The following PREX2 variants were observed in gnomAD, a reference collection of about 807,000 sequenced individuals.
The protein encoded by PREX2 is phosphatidylinositol 3,4,5-trisphosphate-dependent Rac exchanger 2 protein.
In PREX2, 107 loss-of-function variants were observed where a neutral mutation model predicts 203.2. The observed-to-expected ratio is 0.53, with a 90% confidence interval of 0.45 to 0.62. The LOEUF is 0.62. Ranked by LOEUF, PREX2 falls within the 20% of genes least tolerant of loss-of-function variation. PREX2 has a pLI of 0.00. For missense variants in PREX2, 1,777 were observed against 1,955.9 expected (o/e 0.91, Z 1.72); for synonymous variants, 672 against 663.6 (o/e 1.01, Z -0.19).
At chr8:68,128,588 G>T (rs944464597) in intron 31 of PREX2, among the ~76,000 whole-genome samples, 1 of 152,112 alleles carries the variant, frequency 6.6e-6, no homozygotes, top group Non-Finnish European at 1.5e-5. Flanking sequence ...GTTAGCTGAG[G>T]TAACAGGGCT....
At chr8:67,987,376 T>C (rs904671238) in intron 1 of PREX2, among the ~76,000 whole-genome samples, 1 of 152,160 alleles carries the variant, frequency 6.6e-6, no homozygotes, top group African/African-American at 2.4e-5. Context: ...TTGTACTGTC[T>C]GGTCACCTTT....
intron 9 of PREX2, among the ~76,000 whole-genome samples, chr8:68,054,085 T>C (rs1438897215): frequency 6.6e-6 from 1 of 152,216 alleles, no homozygotes; most frequent in Non-Finnish European, 1.5e-5. Context: ...AAGAACTCTT[T>C]CTTCCATCTT....
At chr8:68,176,354 G>A (rs1035264147) in intron 35 of PREX2, among the ~76,000 whole-genome samples, 2 of 152,158 alleles carry the variant, frequency 1.3e-5, no homozygotes, top group African/African-American at 4.8e-5. Flanking sequence ...TGGGGAGAAA[G>A]TTTTCAGTTT....
At chr8:68,114,346 C>A in intron 25 of PREX2, 2 of 500,578 alleles carry the variant, frequency 4.0e-6, no homozygotes, top group Non-Finnish European at 8.0e-6. Flanking sequence ...CATTACATTG[C>A]TATGGAAAAA....
intron 21 of PREX2, 128 bp from the exon 22 acceptor site, chr8:68,096,889 A>T (rs1325383260): frequency 8.2e-6 from 6 of 733,394 alleles, no homozygotes; most frequent in Non-Finnish European, 1.1e-5. Context: ...TAGATGCTTC[A>T]TTTAACACAT....
At chr8:68,127,697 T>C (rs952847105) in intron 31 of PREX2, among the ~76,000 whole-genome samples, 1 of 151,906 alleles carries the variant, frequency 6.6e-6, no homozygotes, top group Non-Finnish European at 1.5e-5. Flanking sequence ...AACAAAATAT[T>C]ATTAAACAGG....
intron 1 of PREX2, among the ~76,000 whole-genome samples, chr8:67,982,303 T>TC: frequency 6.6e-6 from 1 of 152,184 alleles, no homozygotes; most frequent in African/African-American, 2.4e-5. Flanking sequence ...GTGCCTATAG[T>TC]CCCAGCTACT....
rs1813224611 is a variant in PREX2, at chr8:68,234,268, C to G, written c.*2890C>G. The G allele has an allele frequency of 6.6e-6, 1 of 152,056 alleles. No homozygotes were observed. Among genetic ancestry groups the G allele is most frequent in the South Asian group, 2.1e-4 (1 of 4,830 alleles). The allele number at this position is 152,056 out of a possible 1,614,324, so 9.4% of individuals were successfully genotyped here. A position where few individuals can be genotyped will look rare whatever the true frequency, so the allele number is the denominator to read the frequency against. On this transcript the variant is annotated 3_prime_UTR_variant, in exon 40 of 40. Coordinates refer to ENST00000288368, the MANE Select transcript of PREX2 (RefSeq NM_024870.4). ...CCTTGAGGTTTTAGGATGTGTTTAC[C>G]TTAATGCTACATGCTCCTCTATAAC...
chr8:68,130,536 T>G (rs915520938), intron 31 of PREX2, among the ~76,000 whole-genome samples: 1 of 152,178 alleles, frequency 6.6e-6, no homozygotes, highest in Non-Finnish European at 1.5e-5. Context: ...AGAATCACAA[T>G]GATAATGCTA....
intron 34 of PREX2, among the ~76,000 whole-genome samples, chr8:68,153,807 T>C (rs7828065): frequency 0.45 from 67,687 of 152,022 alleles, 15,282 homozygotes; most frequent in African/African-American, 0.52. Context: ...TTACTAAGAC[T>C]CTTGGCAAAA....
At chr8:68,119,662 C>T (rs1810728716) in intron 28 of PREX2, 148 bp downstream of exon 28, 1 of 631,536 alleles carries the variant, frequency 1.6e-6, no homozygotes, top group Non-Finnish European at 2.8e-6. Flanking sequence ...GACATTTAAA[C>T]TAGGAATCAA....
chr8:68,005,214 C>G (rs566623181), intron 1 of PREX2, among the ~76,000 whole-genome samples: 36 of 152,294 alleles, frequency 2.4e-4, no homozygotes, highest in African/African-American at 8.4e-4. Flanking sequence ...TGATTTCTCT[C>G]TTCCGCTCAC....
intron 37 of PREX2, among the ~76,000 whole-genome samples, chr8:68,197,217 C>T (rs967092970): frequency 2.0e-5 from 3 of 152,062 alleles, no homozygotes; most frequent in Non-Finnish European, 4.4e-5. Context: ...AGTCCCCACC[C>T]AAATCTCACC....
At chr8:68,120,384 C>A in intron 29 of PREX2, 98 bp downstream of exon 29, 1 of 757,022 alleles carries the variant, frequency 1.3e-6, no homozygotes, top group Non-Finnish European at 2.3e-6. Context: ...AGGAACAATT[C>A]CAGTTACTCA....
At chr8:68,063,013 A>G (rs1451657525) in intron 11 of PREX2, among the ~76,000 whole-genome samples, 2 of 152,216 alleles carry the variant, frequency 1.3e-5, no homozygotes, top group Non-Finnish European at 2.9e-5. Flanking sequence ...TATAAATTGT[A>G]TATGATTTTG....
At chr8:68,163,071 A>G (rs1261566783) in intron 35 of PREX2, among the ~76,000 whole-genome samples, 3 of 152,180 alleles carry the variant, frequency 2.0e-5, no homozygotes, top group African/African-American at 7.2e-5. Context: ...TGAATTTGAA[A>G]AGCATTTGGT....
intron 32 of PREX2, among the ~76,000 whole-genome samples, chr8:68,136,298 AT>A (rs1438146209): frequency 6.6e-6 from 1 of 152,022 alleles, no homozygotes; most frequent in African/African-American, 2.4e-5. Flanking sequence ...CCTTAAATTT[AT>A]TTAAGGAATT....
In PREX2 at chr8:68,109,521, T is replaced by G; in HGVS notation, c.3044T>G (p.Leu1015Arg). ...GATGGCCATGGTCTCAGGTATCTGC[T>G]AAAAGAAGAAGACTTAGAAACCCAA... is the stretch of plus-strand genomic sequence containing the variant. ...QQDGHGLRYL[L>R]KEEDLETQDI... is the part of the protein sequence containing the mutation. The change falls in exon 25 of 40, where the codon CTA becomes CGA. Residue 1015 changes from leucine to arginine, a missense_variant. By Grantham distance (102) the Leu-to-Arg change is moderately radical. Transcript: ENST00000288368. The G allele has an allele frequency of 6.2e-7, 1 of 1,614,066 alleles. No homozygotes were observed. Among genetic ancestry groups the G allele is most frequent in the Non-Finnish European group, 8.5e-7 (1 of 1,179,936 alleles).
chr8:68,115,177 G>A (rs1487723121), intron 25 of PREX2, among the ~76,000 whole-genome samples: 1 of 151,770 alleles, frequency 6.6e-6, no homozygotes, highest in Non-Finnish European at 1.5e-5. Flanking sequence ...ACAAGCATGC[G>A]CCACCACGCC....
Sources: gnomAD v4.1 joint callset for allele counts (sites outside exome capture counted in the v4.1 genomes callset) on GRCh38, gnomAD v4.1.1 for gene constraint, MANE v1.5 for transcripts, NCBI Gene and HGNC (gene_info 2026-07-23, HGNC 2026-07-21) for gene names.